FBXO34: variants seen among roughly 807,000 people sequenced by gnomAD.
FBXO34 encodes F-box only protein 34.
Under a neutral mutation model 24.5 loss-of-function variants are expected in FBXO34, and 12 were observed. The ratio of observed to expected loss-of-function variants is 0.49; its 90% CI spans 0.31 to 0.79. The LOEUF is 0.79. Ranked by LOEUF, FBXO34 falls within the 30% of genes least tolerant of loss-of-function variation. The pLI, the probability that FBXO34 is intolerant of heterozygous loss-of-function variation, is 0.04. For missense variants in FBXO34, 823 were observed against 857.7 expected, an observed-to-expected ratio of 0.96 and a Z score of 0.51; for synonymous variants, 320 against 311.9, an observed-to-expected ratio of 1.03 and a Z score of -0.27.
chr14:55,286,764 C>T (rs534004814), intron 1 of FBXO34, among the ~76,000 whole-genome samples: 1 of 151,466 alleles, frequency 6.6e-6, no homozygotes, highest in Non-Finnish European at 1.5e-5. Context: ...GGTTGAGTAT[C>T]TCTTATCTTA....
At chr14:55,441,766 TTTTTC>T in the FBXO34 span, among the ~76,000 whole-genome samples, 1,398 of 152,058 alleles carry the variant, frequency 9.2e-3, 20 homozygotes, top group African/African-American at 0.032. Context: ...ATTGATACCT[TTTTTC>T]TTTTCTTTTC....
chr14:55,411,750 C>T, the FBXO34 span: 37 of 1,608,830 alleles, frequency 2.3e-5, no homozygotes, highest in African/African-American at 4.5e-4. Context: ...TCCACCAGGT[C>T]CCGGGCGAGC....
At chr14:55,293,209 C>T (rs1882001778) in intron 1 of FBXO34, among the ~76,000 whole-genome samples, 1 of 152,008 alleles carries the variant, frequency 6.6e-6, no homozygotes, top group Admixed American at 6.6e-5. Context: ...GACAGGTTCT[C>T]ACTCTGCCAC....
the FBXO34 span, chr14:55,411,791 G>C: frequency 2.5e-6 from 4 of 1,600,624 alleles, no homozygotes; most frequent in South Asian, 2.2e-5. Flanking sequence ...AGCCTCCAGC[G>C]CCCGGGCTCC....
the FBXO34 span, among the ~76,000 whole-genome samples, chr14:55,405,113 G>C: frequency 2.0e-5 from 3 of 152,170 alleles, no homozygotes; most frequent in African/African-American, 7.2e-5. Context: ...AGGACACAGT[G>C]AAACAGTCGT....
intron 1 of FBXO34, among the ~76,000 whole-genome samples, chr14:55,330,301 G>A (rs1286814392): frequency 6.6e-6 from 1 of 152,062 alleles, no homozygotes; most frequent in African/African-American, 2.4e-5. Flanking sequence ...GCACACACCA[G>A]GATCAGATTC....
chr14:55,294,500 G>A (rs1272880817), intron 1 of FBXO34, among the ~76,000 whole-genome samples: 5 of 152,108 alleles, frequency 3.3e-5, no homozygotes, highest in African/African-American at 9.7e-5. Flanking sequence ...TGATCCACCT[G>A]CCTTGGCCTC....
the FBXO34 span, among the ~76,000 whole-genome samples, chr14:55,420,141 G>GC: frequency 1.3e-5 from 2 of 152,152 alleles, no homozygotes; most frequent in Non-Finnish European, 2.9e-5. Context: ...CACGATCTCG[G>GC]CTCACTGCAA....
chr14:55,277,201 C>T (rs1045599598), intron 1 of FBXO34, among the ~76,000 whole-genome samples: 5 of 152,196 alleles, frequency 3.3e-5, no homozygotes, highest in African/African-American at 1.2e-4. Context: ...CTACTAGTTC[C>T]TTCTGAAACT....
intron 1 of FBXO34, among the ~76,000 whole-genome samples, chr14:55,290,420 T>TAAA (rs1881907835): frequency 6.6e-6 from 1 of 151,776 alleles, no homozygotes; most frequent in Admixed American, 6.6e-5. Context: ...AATAAATAAA[T>TAAA]TAATTAATTA....
At chr14:55,373,187 T>C (rs982419054), downstream of FBXO34, among the ~76,000 whole-genome samples, 3 of 152,206 alleles carry the variant, frequency 2.0e-5, no homozygotes, top group African/African-American at 7.2e-5. Context: ...TGTTTCCTAA[T>C]TTTTAGTTTA....
At chr14:55,378,389 T>G in the FBXO34 span, among the ~76,000 whole-genome samples, 1 of 152,230 alleles carries the variant, frequency 6.6e-6, no homozygotes, top group Non-Finnish European at 1.5e-5. Flanking sequence ...AGCAGACTGG[T>G]AAGATCTTGA....
At chr14:55,365,734 T>G (rs540499343), downstream of FBXO34, among the ~76,000 whole-genome samples, 1 of 152,258 alleles carries the variant, frequency 6.6e-6, no homozygotes, top group African/African-American at 2.4e-5. Context: ...CCCTTCCGTT[T>G]CCTTGCCTAT....
chr14:55,322,860 A>G (rs1883187203), intron 1 of FBXO34, among the ~76,000 whole-genome samples: 1 of 151,818 alleles, frequency 6.6e-6, no homozygotes, highest in Non-Finnish European at 1.5e-5. Flanking sequence ...TCAGTGTGCC[A>G]TTAAAAATTT....
At chr14:55,299,503 AG>A (rs1882271179) in intron 1 of FBXO34, among the ~76,000 whole-genome samples, 1 of 147,576 alleles carries the variant, frequency 6.8e-6, no homozygotes, top group African/African-American at 2.6e-5. Flanking sequence ...CCAAAAAAAA[AG>A]CAAATTCTAG....
intron 1 of FBXO34, among the ~76,000 whole-genome samples, chr14:55,281,368 T>A (rs1881538139): frequency 6.6e-6 from 1 of 151,836 alleles, no homozygotes; most frequent in Non-Finnish European, 1.5e-5. Flanking sequence ...TCTAGACCAA[T>A]GATCATTGTG....
At chr14:55,423,380 C>T in the FBXO34 span, among the ~76,000 whole-genome samples, 16 of 152,178 alleles carry the variant, frequency 1.1e-4, no homozygotes, top group African/African-American at 3.4e-4. Flanking sequence ...TAGCCTTAAA[C>T]GAAAGTCCCA....
At chr14:55,410,693 T>C in the FBXO34 span, among the ~76,000 whole-genome samples, 1 of 152,246 alleles carries the variant, frequency 6.6e-6, no homozygotes, top group East Asian at 1.9e-4. Context: ...ACTTAACTAT[T>C]TGTGTGACCT....
chr14:55,402,395 T>C, the FBXO34 span, among the ~76,000 whole-genome samples: 8,938 of 152,272 alleles, frequency 0.059, 334 homozygotes, highest in South Asian at 0.089. Context: ...ATATTCGACC[T>C]TTTGATTCGG....
Sources: allele counts gnomAD v4.1 joint callset (sites outside exome capture counted in the v4.1 genomes callset), GRCh38; gene constraint gnomAD v4.1.1; transcripts MANE v1.5; gene names NCBI Gene and HGNC (gene_info 2026-07-23, HGNC 2026-07-21).